CEP57L1: variants seen among roughly 807,000 people sequenced by gnomAD.
CEP57L1 encodes centrosomal protein 57 like 1, also known as centrosomal protein CEP57L1.
A neutral mutation model predicts 61.0 loss-of-function variants in CEP57L1; 37 were observed. The ratio of observed to expected loss-of-function variants is 0.61; its 90% CI spans 0.47 to 0.80. The LOEUF (loss-of-function observed/expected upper bound fraction) is 0.80, where lower values mean the gene tolerates loss of function less well. CEP57L1 is among the 30% of genes least tolerant of loss of function. CEP57L1 has a pLI of 0.00. For synonymous variants in CEP57L1, 137 were observed against 162.3 expected, an observed-to-expected ratio of 0.84 and a Z score of 1.19; for missense variants, 422 against 524.7, an observed-to-expected ratio of 0.80 and a Z score of 1.91.
chr6:109,142,946 GCTCTCTCTCTCT>G (rs35714375), intron 1 of CEP57L1, among the ~76,000 whole-genome samples: 2,009 of 55,424 alleles, frequency 0.036, 33 homozygotes, highest in East Asian at 0.08. Flanking sequence ...TGTCTCTCTT[GCTCTCTCTCTCT>G]CTCTCTCTCT....
intron 1 of CEP57L1, among the ~76,000 whole-genome samples, chr6:109,142,869 A>G (rs1256119283): frequency 1.3e-5 from 2 of 151,288 alleles, no homozygotes; most frequent in African/African-American, 4.9e-5. Context: ...GTGCCCATGA[A>G]TGTATCCCTT....
rs529574526 is a variant in CEP57L1 at position 109,099,525 on chromosome 6, CTTTTATTTATTTATTTAT to C, written c.-4+3973_-4+3990del. 9.8e-3 allele frequency among the ~76,000 whole-genome samples: 1,493 copies of C among 151,830 alleles called. 39 individuals carry two copies. Among genetic ancestry groups the C allele is most frequent in the African/African-American group, 0.034 (1,413 of 41,434 alleles). On this transcript the variant is annotated intron_variant, in intron 1 of 10. Transcript: ENST00000517392. ...AAAGGGTACAAAAGCCAGATGGGTA[CTTTTATTTATTTATTTAT>C]TTTTATTTATTTATTTATTTTTGAG...
At chr6:109,154,007 G>T in intron 5 of CEP57L1, 58 bp downstream of exon 5, 3 of 877,652 alleles carry the variant, frequency 3.4e-6, no homozygotes, top group South Asian at 1.5e-5. Context: ...AAGCATAATT[G>T]GTATTTTATG....
intron 1 of CEP57L1, among the ~76,000 whole-genome samples, chr6:109,113,818 T>G (rs756182578): frequency 6.6e-6 from 1 of 152,154 alleles, no homozygotes; most frequent in Non-Finnish European, 1.5e-5. Flanking sequence ...ACTGCCATGT[T>G]AAAAAGTCCA....
Position 109,174,099 on chromosome 6 carries a change from CAA to C in CEP57L1, c.*11143_*11144del, listed in dbSNP as rs1298260523. ...TGAGCCATAGAGTGAGTCTTGGTCT[CAA>C]AAAAAAAAAAAAACCTTGTGTTGGA... On this transcript the variant is annotated 3_prime_UTR_variant, in exon 11 of 11. Coordinates refer to ENST00000517392, the MANE Select transcript of CEP57L1 (RefSeq NM_001271852.3). 7.3e-5 allele frequency among the ~76,000 whole-genome samples: 6 copies of C among 81,838 alleles called. No homozygotes were observed. The highest frequency in any genetic ancestry group is 3.3e-4 in the East Asian group (1 of 3,018). The allele number at this position is 81,838 out of a possible 152,430, so 53.7% of individuals were successfully genotyped here.
intron 3 of CEP57L1, among the ~76,000 whole-genome samples, chr6:109,148,379 T>A (rs1291666605): frequency 6.6e-6 from 1 of 152,266 alleles, no homozygotes; most frequent in Non-Finnish European, 1.5e-5. Flanking sequence ...TTTGGTTTTT[T>A]GTCCTTGCGA....
intron 1 of CEP57L1, among the ~76,000 whole-genome samples, chr6:109,120,174 C>T (rs377263566): frequency 2.6e-5 from 4 of 152,140 alleles, no homozygotes; most frequent in East Asian, 3.9e-4. Context: ...GCAGATCACA[C>T]AGGATTTATC....
At position 109,162,730 on chromosome 6, in the gene CEP57L1, G is replaced by A. The variant is rs1562153443; in HGVS notation, c.1162-19G>A. 1.3e-6 allele frequency: 2 copies of A among 1,515,434 alleles called. No homozygotes were observed. The highest frequency in any genetic ancestry group is 1.9e-5 in the Admixed American group (1 of 52,712). The allele number at this position is 1,515,434 out of a possible 1,614,324, so 93.9% of individuals were successfully genotyped here. A position where few individuals can be genotyped will look rare whatever the true frequency, so the allele number is the denominator to read the frequency against. On this transcript the variant is annotated intron_variant, in intron 10 of 10. Coordinates refer to ENST00000517392, the MANE Select transcript of CEP57L1 (RefSeq NM_001271852.3). ...TAGTATATTTTTGACTAAAATGTTA[G>A]ATTTTTTTTTCTCTCCAGGTCTGTA...
chr6:109,137,578 G>A (rs1272442571), intron 1 of CEP57L1, among the ~76,000 whole-genome samples: 1 of 152,196 alleles, frequency 6.6e-6, no homozygotes, highest in Non-Finnish European at 1.5e-5. Flanking sequence ...GGGATTACAG[G>A]TGTGAGCCAC....
intron 1 of CEP57L1, among the ~76,000 whole-genome samples, chr6:109,138,955 TTTC>T (rs1468444965): frequency 2.0e-5 from 3 of 152,184 alleles, no homozygotes; most frequent in Non-Finnish European, 4.4e-5. Context: ...TGTGATTTTT[TTTC>T]TTTTCTTATG....
intron 1 of CEP57L1, among the ~76,000 whole-genome samples, chr6:109,097,876 T>C (rs1381574084): frequency 6.6e-6 from 1 of 152,150 alleles, no homozygotes; most frequent in East Asian, 1.9e-4. Context: ...AACATTCTAA[T>C]GAAGAGAATT....
chr6:109,121,159 A>G (rs915077656), intron 1 of CEP57L1, among the ~76,000 whole-genome samples: 2 of 152,150 alleles, frequency 1.3e-5, no homozygotes, highest in Non-Finnish European at 2.9e-5. Flanking sequence ...GGTTGTTTGT[A>G]TAACTGGTTT....
chr6:109,149,523 C>T (rs1472267584), intron 3 of CEP57L1, among the ~76,000 whole-genome samples: 1 of 152,016 alleles, frequency 6.6e-6, no homozygotes, highest in Non-Finnish European at 1.5e-5. Flanking sequence ...TTACTGTAGC[C>T]TTGTAGTATA....
intron 1 of CEP57L1, 129 bp from the exon 2 acceptor site, chr6:109,145,090 T>C: frequency 1.9e-6 from 1 of 522,796 alleles, no homozygotes; most frequent in Admixed American, 3.2e-5. Flanking sequence ...GAATTTATAA[T>C]TAAGTTCATA....
chr6:109,100,441 G>T (rs1485166321), intron 1 of CEP57L1, among the ~76,000 whole-genome samples: 3 of 152,128 alleles, frequency 2.0e-5, no homozygotes, highest in African/African-American at 7.2e-5. Flanking sequence ...TTGGGAGGCT[G>T]AGGTGGGCCG....
At chr6:109,118,988 G>A (rs1421363335) in intron 1 of CEP57L1, among the ~76,000 whole-genome samples, 1 of 152,176 alleles carries the variant, frequency 6.6e-6, no homozygotes, top group Non-Finnish European at 1.5e-5. Flanking sequence ...ATATAGGTAT[G>A]CACAGAGGAA....
intron 1 of CEP57L1, chr6:109,129,411 TGA>T (rs1252542630): frequency 3.7e-6 from 3 of 810,772 alleles, no homozygotes; most frequent in Non-Finnish European, 5.4e-6. Context: ...TCAATTGTGC[TGA>T]GTGTCCCCCA....
At position 109,167,740 on chromosome 6, in the gene CEP57L1, G is replaced by T. The variant is rs1774202942; in HGVS notation, c.*4770G>T. ...AGCCCAGTATTGTTTGTTTGGGGAG[G>T]GGCAGGGTGTGGTTCCACCAACTGT... is the stretch of plus-strand genomic sequence containing the variant. On this transcript the variant is annotated 3_prime_UTR_variant, in exon 11 of 11. Transcript: ENST00000517392. Among the ~76,000 whole-genome samples the T allele has an allele frequency of 6.6e-6, 1 of 152,168 alleles. No individual in the cohort carries two copies. The highest frequency in any genetic ancestry group is 2.4e-5 in the African/African-American group (1 of 41,448).
intron 1 of CEP57L1, among the ~76,000 whole-genome samples, chr6:109,099,037 G>C (rs1321547536): frequency 6.6e-6 from 1 of 152,194 alleles, no homozygotes; most frequent in Non-Finnish European, 1.5e-5. Flanking sequence ...GGGAAAATCT[G>C]CAGATTTGTG....
Sources: gnomAD v4.1 joint callset for allele counts (sites outside exome capture counted in the v4.1 genomes callset) on GRCh38, gnomAD v4.1.1 for gene constraint, MANE v1.5 for transcripts, NCBI Gene and HGNC (gene_info 2026-07-23, HGNC 2026-07-21) for gene names.